The following FYB1 variants were observed in gnomAD, a reference collection of about 807,000 sequenced individuals.
FYB1 encodes the protein FYN-binding protein 1.
FYB1 carries 41 observed loss-of-function variants against 94.1 expected under a neutral mutation model. The ratio of observed to expected loss-of-function variants is 0.44; its 90% CI spans 0.34 to 0.57. The LOEUF is 0.57. Among genes scored for constraint, FYB1 ranks in the 20% least tolerant of loss-of-function variants. The pLI is 0.02. For missense variants in FYB1, 1,050 were observed against 976.8 expected, an observed-to-expected ratio of 1.07 and a Z score of -1.00; for synonymous variants, 367 against 353.2, an observed-to-expected ratio of 1.04 and a Z score of -0.44.
intron 1 of FYB1, chr5:39,274,386 G>A (rs1752737224): frequency 6.6e-6 from 1 of 152,132 alleles, no homozygotes. Flanking sequence ...ATAGAACAGA[G>A]GGATGTCGAA....
At position 39,134,298 on chromosome 5, in the gene FYB1, A is replaced by G. The variant is rs1204263997; in HGVS notation, c.1727T>C (p.Leu576Pro). 1 of 1,611,358 alleles carries G rather than the reference A, an allele frequency of 6.2e-7. No individual in the cohort carries two copies. Among genetic ancestry groups the G allele is most frequent in the East Asian group, 2.2e-5 (1 of 44,794 alleles). Reference protein sequence around the residue: ...AVEIDYDSLKLKKDSLGAPSR... With the variant: ...AVEIDYDSLKPKKDSLGAPSR... ...AGGGGCACCAAGAGAGTCTTTTTTC[A>G]GTTTCAAAGAATCATAGTCAATCTC... The change falls in exon 9 of 19, where the codon CTG (leucine) becomes CCG (proline). Residue 576 changes from leucine to proline, a missense_variant. Transcript: ENST00000512982.
chr5:39,155,811 C>T (rs973108939), intron 2 of FYB1, among the ~76,000 whole-genome samples: 1 of 152,070 alleles, frequency 6.6e-6, no homozygotes, highest in Non-Finnish European at 1.5e-5. Context: ...ATTTAGCAAA[C>T]GTTCTGCACC....
At chr5:39,148,123 C>A (rs1238484679) in intron 3 of FYB1, among the ~76,000 whole-genome samples, 1 of 134,404 alleles carries the variant, frequency 7.4e-6, no homozygotes, top group Admixed American at 7.7e-5. Context: ...CTTTCTCCAC[C>A]CTTATCATTA....
chr5:39,251,641 T>G (rs1304728133), intron 1 of FYB1, among the ~76,000 whole-genome samples: 4 of 151,780 alleles, frequency 2.6e-5, no homozygotes, highest in Non-Finnish European at 4.4e-5. Flanking sequence ...TACTAATCCT[T>G]TTTTTTTGAA....
chr5:39,223,883 C>A (rs1371587280), upstream of FYB1, among the ~76,000 whole-genome samples: 1 of 152,046 alleles, frequency 6.6e-6, no homozygotes, highest in Admixed American at 6.5e-5. Flanking sequence ...TCTTTATACC[C>A]CAGCCCAAAT....
chr5:39,270,842 A>T lies in FYB1; in HGVS notation c.-28+3561T>A, dbSNP rs1752643840. On this transcript the variant is annotated intron_variant, in intron 1 of 1. Coordinates refer to the FYB1 transcript ENST00000510188. ...TAGCTTTGAAGACTGAAAAATTGAC[A>T]CAAAATTTTTTAGAAGTACCTAGAT... The T allele has an allele frequency of 3.2e-5, 13 of 401,326 alleles. No homozygotes were observed. The East Asian group carries it at 4.8e-4, about 15-fold the overall frequency. The allele number at this position is 401,326 out of a possible 1,614,324, so 24.9% of individuals were successfully genotyped here. A position where few individuals can be genotyped will look rare whatever the true frequency, so the allele number is the denominator to read the frequency against.
At chr5:39,197,295 G>T (rs1194320553) in intron 2 of FYB1, among the ~76,000 whole-genome samples, 1 of 152,054 alleles carries the variant, frequency 6.6e-6, no homozygotes, top group African/African-American at 2.4e-5. Flanking sequence ...CTAAAGCATA[G>T]AATCTCTCTT....
chr5:39,209,695 C>A (rs1444682051), intron 1 of FYB1, among the ~76,000 whole-genome samples: 1 of 152,144 alleles, frequency 6.6e-6, no homozygotes, highest in African/African-American at 2.4e-5. Flanking sequence ...GATGTAAAAG[C>A]AGGAACCTGG....
intron 3 of FYB1, 108 bp downstream of exon 3, chr5:39,153,340 T>C (rs1443178730): frequency 2.1e-6 from 3 of 1,396,362 alleles, no homozygotes; most frequent in Non-Finnish European, 3.0e-6. Flanking sequence ...CTGCCCACTT[T>C]TGTAGACCCA....
intron 1 of FYB1, among the ~76,000 whole-genome samples, chr5:39,271,008 G>A (rs1187537197): frequency 6.6e-6 from 1 of 151,794 alleles, no homozygotes; most frequent in Non-Finnish European, 1.5e-5. Context: ...CATTTGACTT[G>A]AGTGGATATA....
chr5:39,130,655 C>A, intron 9 of FYB1, 43 bp from the exon 10 acceptor site: 1 of 1,459,514 alleles, frequency 6.9e-7, no homozygotes, highest in Non-Finnish European at 9.4e-7. Flanking sequence ...CTATGAATTA[C>A]TTAGCTATGA....
rs1375609934 is a variant in FYB1, at chr5:39,107,534, A to C, written c.2468-69T>G. 6.3e-6 allele frequency: 7 copies of C among 1,105,062 alleles called. No individual in the cohort carries two copies. In the East Asian group the frequency reaches 1.9e-4, roughly 30 times the overall value. The allele number at this position is 1,105,062 out of a possible 1,614,324, so 68.5% of individuals were successfully genotyped here. ...TATTCTCTAAGTATTCCAAGTTTGG[A>C]AATGTGGGTGATTCATACTCTCCTG... On this transcript the variant is annotated intron_variant, in intron 18 of 18. Coordinates refer to ENST00000512982, the MANE Select transcript of FYB1 (RefSeq NM_001465.6).
chr5:39,231,258 T>C (rs1289095271), intron 1 of FYB1, among the ~76,000 whole-genome samples: 3 of 151,674 alleles, frequency 2.0e-5, no homozygotes, highest in Non-Finnish European at 2.9e-5. Flanking sequence ...CATGTCCCCA[T>C]TTCCATCCTC....
chr5:39,248,664 C>T (rs1413081771), intron 1 of FYB1, among the ~76,000 whole-genome samples: 6 of 152,114 alleles, frequency 3.9e-5, no homozygotes, highest in Non-Finnish European at 2.9e-5. Flanking sequence ...TGGCGAAACC[C>T]CGTCTCTACT....
chr5:39,151,538 C>T (rs1047849482), intron 3 of FYB1, among the ~76,000 whole-genome samples: 2 of 152,178 alleles, frequency 1.3e-5, no homozygotes, highest in Non-Finnish European at 2.9e-5. Flanking sequence ...GATCCTCCCA[C>T]CTCTGTCTTT....
intron 9 of FYB1, 149 bp from the exon 10 acceptor site, chr5:39,130,761 T>A (rs1470361189): frequency 1.1e-5 from 7 of 623,630 alleles, no homozygotes; most frequent in African/African-American, 1.8e-5. Flanking sequence ...GAAAAAATGT[T>A]CCTTATCATC....
At chr5:39,263,143 T>A (rs1343766584) in intron 1 of FYB1, among the ~76,000 whole-genome samples, 1 of 152,156 alleles carries the variant, frequency 6.6e-6, no homozygotes, top group Admixed American at 6.5e-5. Context: ...GCGGATGGAA[T>A]GGAGTGCTAG....
At chr5:39,138,893 A>G in intron 5 of FYB1, 1 of 615,952 alleles carries the variant, frequency 1.6e-6, no homozygotes, top group Non-Finnish European at 2.9e-6. Context: ...ACTCAGTAAA[A>G]CAACTATTGT....
At chr5:39,230,403 C>A (rs1750668967) in intron 1 of FYB1, among the ~76,000 whole-genome samples, 2 of 152,110 alleles carry the variant, frequency 1.3e-5, no homozygotes, top group Admixed American at 1.3e-4. Flanking sequence ...GCCAGAACCT[C>A]CAGAAGAAGC....
Sources: allele counts gnomAD v4.1 joint callset (sites outside exome capture counted in the v4.1 genomes callset), GRCh38; gene constraint gnomAD v4.1.1; transcripts MANE v1.5; gene names NCBI Gene and HGNC (gene_info 2026-07-23, HGNC 2026-07-21).